DLG2: variants seen among roughly 807,000 people sequenced by gnomAD.
DLG2 encodes disks large homolog 2.
In DLG2, 45 loss-of-function variants were observed where a neutral mutation model predicts 132.5. That is an observed-to-expected ratio of 0.34 (90% CI 0.27 to 0.44). The LOEUF (loss-of-function observed/expected upper bound fraction) is 0.44. Among genes scored for constraint, DLG2 ranks in the 20% least tolerant of loss-of-function variants. The pLI is 1.00. For missense variants in DLG2, 1,045 were observed against 1,196.9 expected, an observed-to-expected ratio of 0.87 and a Z score of 1.87; for synonymous variants, 424 against 419.6, an observed-to-expected ratio of 1.01 and a Z score of -0.13.
chr11:85,302,317 T>C (rs949488919), intron 3 of DLG2, among the ~76,000 whole-genome samples: 3 of 152,112 alleles, frequency 2.0e-5, no homozygotes, highest in Non-Finnish European at 2.9e-5. Context: ...CATATTTTAC[T>C]CATTTAAACA....
In DLG2 at chr11:84,995,940, T is replaced by A. The variant is rs574973695; in HGVS notation, c.357+115721A>T. Among the ~76,000 whole-genome samples, 61 of 152,180 alleles carry A rather than the reference T, an allele frequency of 4.0e-4. 2 individuals are homozygous for A. The highest frequency in any genetic ancestry group is 1.3e-3 in the African/African-American group (55 of 41,528). ...TGGCTTGCACATGACAGGAAGAAAA[T>A]AAGTTTATTTTTACTCTAACATTTA... On this transcript the variant is annotated intron_variant, in intron 6 of 27. Coordinates refer to ENST00000376104, the MANE Select transcript of DLG2 (RefSeq NM_001142699.3).
intron 6 of DLG2, among the ~76,000 whole-genome samples, chr11:85,035,490 A>G (rs1018653005): frequency 6.6e-6 from 1 of 152,094 alleles, no homozygotes; most frequent in Non-Finnish European, 1.5e-5. Flanking sequence ...GAGAGGTGAG[A>G]GAGAAGGAAA....
rs1449220928 is a variant in DLG2, at chr11:84,777,324, T to TATATAC, written c.358-242594_358-242593insGTATAT. Among the ~76,000 whole-genome samples the TATATAC allele has an allele frequency of 6.0e-3, 632 of 105,270 alleles. 1 individual carries two copies. Among genetic ancestry groups the TATATAC allele is most frequent in the Middle Eastern group, 0.011 (2 of 180 alleles). 69.1% of individuals were successfully genotyped at this position (105,270 alleles called of 152,430 possible). The stretch of plus-strand genomic sequence containing the variant: ...ATATATATATATATATATATATATA[T>TATATAC]ACGTTTTCTTTACCCAGTCATCCAC... On this transcript the variant is annotated intron_variant, in intron 6 of 27. Coordinates refer to ENST00000376104, the MANE Select transcript of DLG2 (RefSeq NM_001142699.3).
At chr11:85,503,068 C>T (rs192087033) in intron 3 of DLG2, among the ~76,000 whole-genome samples, 5 of 151,874 alleles carry the variant, frequency 3.3e-5, no homozygotes, top group African/African-American at 1.2e-4. Flanking sequence ...GAAGAAAGAA[C>T]CAAAAGAATA....
Position 83,747,151 on chromosome 11 carries a change from A to T in DLG2, c.1825+39539T>A, listed in dbSNP as rs966677993. 2.0e-5 allele frequency among the ~76,000 whole-genome samples: 3 copies of T among 152,222 alleles called. No individual in the cohort carries two copies. The East Asian group carries it at 5.8e-4, about 29-fold the overall frequency. On this transcript the variant is annotated intron_variant, in intron 18 of 27. Transcript: ENST00000376104. The stretch of plus-strand genomic sequence containing the variant: ...AGCACATGAAAGTAGAAGTATATCA[A>T]ACTCAAAATTACCTGCAGCCAGTAT...
chr11:85,568,619 T>C (rs1351926310), intron 3 of DLG2, among the ~76,000 whole-genome samples: 1 of 152,200 alleles, frequency 6.6e-6, no homozygotes, highest in South Asian at 2.1e-4. Context: ...TATCCAAATA[T>C]TTCCTTTTTA....
At chr11:83,595,230 T>C (rs11233688) in intron 19 of DLG2, among the ~76,000 whole-genome samples, 5,623 of 152,332 alleles carry the variant, frequency 0.037, 159 homozygotes, top group South Asian at 0.12. Flanking sequence ...AAAGCATTGC[T>C]GCACTGGGGT....
chr11:85,315,705 T>C (rs1327649924), intron 3 of DLG2, among the ~76,000 whole-genome samples: 1 of 152,048 alleles, frequency 6.6e-6, no homozygotes, highest in African/African-American at 2.4e-5. Flanking sequence ...AAAATTGTTT[T>C]CTCAAACTGC....
chr11:83,656,796 C>T (rs2072593237), intron 18 of DLG2, among the ~76,000 whole-genome samples: 1 of 152,150 alleles, frequency 6.6e-6, no homozygotes, highest in South Asian at 2.1e-4. Context: ...GTGTACACAA[C>T]ACCAATACGG....
chr11:84,284,864 C>G (rs1174500820), intron 7 of DLG2, among the ~76,000 whole-genome samples: 1 of 152,166 alleles, frequency 6.6e-6, no homozygotes. Context: ...TCAGCTTGTT[C>G]TCAGCCTTTA....
intron 3 of DLG2, among the ~76,000 whole-genome samples, chr11:85,540,280 G>A (rs140000027): frequency 6.6e-6 from 1 of 152,224 alleles, no homozygotes; most frequent in African/African-American, 2.4e-5. Flanking sequence ...CCCATCCTGT[G>A]CCCATAAAAA....
chr11:83,499,801 CAT>C (rs963572099), intron 21 of DLG2, among the ~76,000 whole-genome samples: 2 of 128,222 alleles, frequency 1.6e-5, no homozygotes, highest in Non-Finnish European at 1.6e-5. Context: ...TATATAATAT[CAT>C]ATATATATTT....
At chr11:84,541,873 G>A (rs1469329280) in intron 6 of DLG2, among the ~76,000 whole-genome samples, 1 of 152,128 alleles carries the variant, frequency 6.6e-6, no homozygotes, top group Non-Finnish European at 1.5e-5. Flanking sequence ...ACATTCTGCT[G>A]ATGCTTGTGT....
rs543541659 is a variant in DLG2 at position 84,439,622 on chromosome 11, A to G, written c.519+94948T>C. Among the ~76,000 whole-genome samples the G allele has an allele frequency of 5.9e-5, 9 of 152,330 alleles. 1 individual carries two copies. Among genetic ancestry groups the G allele is most frequent in the South Asian group, 2.1e-4 (1 of 4,824 alleles). ...GGAGGAAAAGTGCCACAGAAATCCA[A>G]CGAATAAATATACATGGTAACTCCT... On this transcript the variant is annotated intron_variant, in intron 7 of 27. Coordinates refer to ENST00000376104, the MANE Select transcript of DLG2 (RefSeq NM_001142699.3).
At chr11:84,317,433 C>T in intron 7 of DLG2, 1 of 1,176,758 alleles carries the variant, frequency 8.5e-7, no homozygotes. Flanking sequence ...CTCCACACAG[C>T]TGGGCTACAA....
At chr11:85,238,715 G>C (rs1002822718) in intron 4 of DLG2, among the ~76,000 whole-genome samples, 1 of 151,874 alleles carries the variant, frequency 6.6e-6, no homozygotes, top group Middle Eastern at 3.2e-3. Flanking sequence ...TCTTATAGCA[G>C]TCCTGCACCT....
intron 6 of DLG2, among the ~76,000 whole-genome samples, chr11:84,784,340 A>AT (rs1199419872): frequency 9.5e-5 from 14 of 147,448 alleles, no homozygotes; most frequent in African/African-American, 1.5e-4. Context: ...AAATAAATAA[A>AT]TAAATAAATA....
intron 12 of DLG2, among the ~76,000 whole-genome samples, chr11:83,967,641 C>T (rs769326124): frequency 1.1e-4 from 16 of 152,104 alleles, no homozygotes; most frequent in Non-Finnish European, 2.4e-4. Context: ...ATTAACCTAT[C>T]ATCAGATATA....
rs536062636 is a variant in DLG2, at chr11:85,542,987, TTC to T, written c.40+55668_40+55669del. 9.2e-4 allele frequency among the ~76,000 whole-genome samples: 140 copies of T among 152,258 alleles called. 1 individual carries two copies. Among genetic ancestry groups the T allele is most frequent in the African/African-American group, 3.2e-3 (132 of 41,544 alleles). Reference sequence around the variant, plus strand: ...GCTAGGTGTAGCTATACAAAATTGATTCTCTTTTTTTTAATTATAATTTAAGT... The same window carrying T: ...GCTAGGTGTAGCTATACAAAATTGATTCTTTTTTTTAATTATAATTTAAGT... On this transcript the variant is annotated intron_variant, in intron 3 of 27. Coordinates refer to ENST00000376104, the MANE Select transcript of DLG2 (RefSeq NM_001142699.3).
Sources: gnomAD v4.1 joint callset for allele counts (sites outside exome capture counted in the v4.1 genomes callset) on GRCh38, gnomAD v4.1.1 for gene constraint, MANE v1.5 for transcripts, NCBI Gene and HGNC (gene_info 2026-07-23, HGNC 2026-07-21) for gene names.